Variants in FAM110B observed in about 807,000 individuals in gnomAD.
The protein encoded by FAM110B is family with sequence similarity 110 member B.
FAM110B carries 6 observed loss-of-function variants against 20.4 expected under a neutral mutation model. That is an observed-to-expected ratio of 0.29 (90% CI 0.16 to 0.58). The LOEUF (loss-of-function observed/expected upper bound fraction) is 0.58, where lower values mean the gene tolerates loss of function less well. Among genes scored for constraint, FAM110B ranks in the 20% least tolerant of loss-of-function variants. The pLI is 0.90. For missense variants in FAM110B, 434 were observed against 498.2 expected, an observed-to-expected ratio of 0.87 and a Z score of 1.23; for synonymous variants, 226 against 214.1, an observed-to-expected ratio of 1.06 and a Z score of -0.49.
At chr8:58,085,754 C>A (rs1420790232) in intron 3 of FAM110B, among the ~76,000 whole-genome samples, 2 of 152,116 alleles carry the variant, frequency 1.3e-5, no homozygotes, top group Non-Finnish European at 2.9e-5. Flanking sequence ...CACAGATGAC[C>A]CTGTTATGAA....
intron 2 of FAM110B, among the ~76,000 whole-genome samples, chr8:58,072,786 C>T (rs1487217569): frequency 1.3e-5 from 2 of 152,128 alleles, no homozygotes; most frequent in African/African-American, 4.8e-5. Context: ...CTCCTGAGGT[C>T]TCAACAGGAA....
At chr8:58,005,589 C>G (rs755319188) in intron 1 of FAM110B, among the ~76,000 whole-genome samples, 38 of 152,196 alleles carry the variant, frequency 2.5e-4, no homozygotes, top group Non-Finnish European at 2.1e-4. Flanking sequence ...GTGTATTTTT[C>G]CATGGTGAAC....
At chr8:58,003,127 A>T (rs553313102) in intron 1 of FAM110B, among the ~76,000 whole-genome samples, 4 of 152,358 alleles carry the variant, frequency 2.6e-5, no homozygotes, top group Admixed American at 6.5e-5. Flanking sequence ...GAGCATCTTC[A>T]GCAGGAGTAG....
intron 2 of FAM110B, among the ~76,000 whole-genome samples, chr8:58,075,275 T>TTTTGTGTGTGTGTGTGTGTGTGTGTG (rs1554521068): frequency 5.6e-5 from 8 of 141,740 alleles, no homozygotes; most frequent in African/African-American, 2.0e-4. Context: ...TTTTTTTTTT[T>TTTTGTGTGTGTGTGTGTGTGTGTGTG]TGTGTGTGTG....
At chr8:58,112,188 G>T (rs551593730) in intron 3 of FAM110B, among the ~76,000 whole-genome samples, 4 of 152,206 alleles carry the variant, frequency 2.6e-5, no homozygotes, top group South Asian at 2.1e-4. Context: ...AATTAGCTGG[G>T]CATGATGGTG....
intron 3 of FAM110B, among the ~76,000 whole-genome samples, chr8:58,095,748 A>G (rs1360276706): frequency 6.6e-6 from 1 of 152,122 alleles, no homozygotes; most frequent in African/African-American, 2.4e-5. Flanking sequence ...GTAGCTGTCT[A>G]TTAGGTCTGC....
chr8:58,132,235 C>G (rs1323028093), intron 3 of FAM110B, among the ~76,000 whole-genome samples: 1 of 152,066 alleles, frequency 6.6e-6, no homozygotes, highest in Admixed American at 6.6e-5. Flanking sequence ...TCTCACTCCC[C>G]CTCACTGATG....
At chr8:58,061,533 G>A (rs958915271) in intron 2 of FAM110B, among the ~76,000 whole-genome samples, 1 of 152,156 alleles carries the variant, frequency 6.6e-6, no homozygotes, top group Non-Finnish European at 1.5e-5. Context: ...CACAGACTTG[G>A]TAAAGATCAT....
chr8:58,016,680 A>G (rs1033341277), intron 1 of FAM110B, among the ~76,000 whole-genome samples: 1 of 152,176 alleles, frequency 6.6e-6, no homozygotes, highest in African/African-American at 2.4e-5. Context: ...GCCTCATGCC[A>G]GGAAGTGCTC....
chr8:58,130,751 C>T (rs1329167821), intron 3 of FAM110B, among the ~76,000 whole-genome samples: 1 of 152,184 alleles, frequency 6.6e-6, no homozygotes, highest in African/African-American at 2.4e-5. Context: ...ATCTGATTCC[C>T]TGTTGATAAA....
At chr8:58,114,264 A>C (rs906091408) in intron 3 of FAM110B, among the ~76,000 whole-genome samples, 20 of 152,216 alleles carry the variant, frequency 1.3e-4, no homozygotes, top group Non-Finnish European at 2.6e-4. Flanking sequence ...TACTACTAGA[A>C]GCCACAGTTG....
intron 1 of FAM110B, among the ~76,000 whole-genome samples, chr8:57,997,076 CT>C (rs1285212646): frequency 6.6e-6 from 1 of 152,162 alleles, no homozygotes; most frequent in African/African-American, 2.4e-5. Context: ...TCCTAAATAA[CT>C]TAGCTAAGCG....
chr8:58,082,844 T>G (rs372206915), intron 3 of FAM110B, among the ~76,000 whole-genome samples: 6 of 132,344 alleles, frequency 4.5e-5, no homozygotes, highest in African/African-American at 2.5e-4. Flanking sequence ...TTTGTTTTTT[T>G]TTGTTTTTTT....
intron 3 of FAM110B, among the ~76,000 whole-genome samples, chr8:58,143,358 C>A (rs554327207): frequency 1.3e-3 from 200 of 152,208 alleles, no homozygotes; most frequent in African/African-American, 4.6e-3. Context: ...TAAACTCTAA[C>A]CATGGTCATG....
At chr8:58,011,803 G>A (rs1339100997) in intron 1 of FAM110B, among the ~76,000 whole-genome samples, 3 of 152,154 alleles carry the variant, frequency 2.0e-5, no homozygotes, top group Admixed American at 2.0e-4. Flanking sequence ...AAGGATTTAG[G>A]TAGCCCATCC....
chr8:58,030,791 C>T (rs79823143), intron 1 of FAM110B, among the ~76,000 whole-genome samples: 4,282 of 152,196 alleles, frequency 0.028, 199 homozygotes, highest in African/African-American at 0.096. Context: ...GAGGAGAAGA[C>T]GGTTAAGATT....
intron 3 of FAM110B, among the ~76,000 whole-genome samples, chr8:58,113,019 C>T (rs1004258803): frequency 5.9e-5 from 9 of 152,186 alleles, no homozygotes; most frequent in East Asian, 3.9e-4. Context: ...CTTTTCACTG[C>T]GTCCTGAAGT....
intron 3 of FAM110B, among the ~76,000 whole-genome samples, chr8:58,086,834 C>T (rs115715168): frequency 2.6e-5 from 4 of 152,186 alleles, no homozygotes; most frequent in African/African-American, 9.7e-5. Context: ...CTAATAGCTC[C>T]GTACTGTCAT....
At chr8:58,003,466 T>A (rs1202924502) in intron 1 of FAM110B, among the ~76,000 whole-genome samples, 1 of 152,214 alleles carries the variant, frequency 6.6e-6, no homozygotes, top group Non-Finnish European at 1.5e-5. Context: ...TTTCCACTTT[T>A]CCTGGATACA....
Sources: gnomAD v4.1 joint callset for allele counts (sites outside exome capture counted in the v4.1 genomes callset) on GRCh38, gnomAD v4.1.1 for gene constraint, MANE v1.5 for transcripts, NCBI Gene and HGNC (gene_info 2026-07-23, HGNC 2026-07-21) for gene names.